MEIOB: variants seen among roughly 807,000 people sequenced by gnomAD.
MEIOB encodes the protein meiosis specific with OB-fold, also known as meiosis-specific with OB domain-containing protein.
In MEIOB, 50 loss-of-function variants were observed where a neutral mutation model predicts 53.1. That is an observed-to-expected ratio of 0.94 (90% CI 0.75 to 1.19). MEIOB has a LOEUF of 1.19. Ranked by LOEUF, MEIOB falls within the 50% of genes most tolerant of loss-of-function variation. The pLI is 0.00. For missense variants in MEIOB, 551 were observed against 550.8 expected (o/e 1.00, Z 0.00); for synonymous variants, 192 against 182.5 (o/e 1.05, Z -0.42).
intron 1 of MEIOB, among the ~76,000 whole-genome samples, chr16:1,869,645 G>T (rs553502016): frequency 6.6e-6 from 1 of 151,602 alleles, no homozygotes; most frequent in South Asian, 2.1e-4. Context: ...TAGAGACGGG[G>T]TTTCACCGTG....
chr16:1,857,890 T>C lies in MEIOB; in HGVS notation c.373A>G (p.Lys125Glu), dbSNP rs1448063589. The C allele has an allele frequency of 1.3e-6, 2 of 1,551,278 alleles. No homozygotes were observed. Among genetic ancestry groups the C allele is most frequent in the South Asian group, 1.2e-5 (1 of 83,932 alleles). ...TCCACTTCATAACTGGAACAAACTTTTACTGTTGAGTGATTCTCACTGAGC... is the reference window on the plus strand; with the variant it reads ...TCCACTTCATAACTGGAACAAACTTCTACTGTTGAGTGATTCTCACTGAGC... ...LLLSENHSTV[K>E]VCSSYEVDTK... Residue 125 changes from lysine (K) to glutamate (E), a missense_variant, in exon 6 of 14, where the codon AAA (lysine) becomes GAA (glutamate). Coordinates refer to ENST00000325962, the MANE Select transcript of MEIOB (RefSeq NM_001163560.3).
intron 9 of MEIOB, among the ~76,000 whole-genome samples, chr16:1,845,347 A>C (rs1467991193): frequency 1.3e-5 from 2 of 152,040 alleles, no homozygotes; most frequent in Non-Finnish European, 2.9e-5. Context: ...GTGACACCCC[A>C]CCTCTACTAA....
chr16:1,859,972 C>T (rs1461333478), intron 5 of MEIOB, among the ~76,000 whole-genome samples: 2 of 152,206 alleles, frequency 1.3e-5, no homozygotes, highest in African/African-American at 4.8e-5. Flanking sequence ...CTGGTCTATC[C>T]TCGCAGGGTT....
Position 1,852,423 on chromosome 16 carries a change from C to A in MEIOB, c.778+616G>T, listed in dbSNP as rs58539288. On this transcript the variant is annotated intron_variant, in intron 9 of 13. Transcript: ENST00000325962. ...TACTACAGGCGCACACTTTTACGCT[C>A]GGCTAATTTTTCTATTTTTAGTAGA... is the stretch of plus-strand genomic sequence containing the variant. Among the ~76,000 whole-genome samples, 922 of 151,788 alleles carry A rather than the reference C, an allele frequency of 6.1e-3. 35 individuals carry two copies. The East Asian group carries it at 0.11, about 18-fold the overall frequency.
chr16:1,852,973 C>A, intron 9 of MEIOB, 66 bp downstream of exon 9: 1 of 956,476 alleles, frequency 1.0e-6, no homozygotes, highest in Non-Finnish European at 1.6e-6. Context: ...CTTAAATATA[C>A]TGTATAAATA....
intron 6 of MEIOB, 61 bp downstream of exon 6, chr16:1,857,674 G>A (rs1458479332): frequency 2.1e-5 from 28 of 1,349,708 alleles, no homozygotes; most frequent in Non-Finnish European, 2.8e-5. Flanking sequence ...CCCAAACACA[G>A]ATCAAGTGAC....
At position 1,853,139 on chromosome 16, in the gene MEIOB, T is replaced by C. The variant is rs1292229456; in HGVS notation, c.683-5A>G. 1.2e-6 allele frequency: 2 copies of C among 1,606,830 alleles called. No individual in the cohort carries two copies. Among genetic ancestry groups the C allele is most frequent in the East Asian group, 4.5e-5 (2 of 44,784 alleles). ...TTACATCTGAGGCAAATATTACTGT[T>C]TGGGAAAAAAGCCATTTAAAATTAT... is the stretch of plus-strand genomic sequence containing the variant. On this transcript the variant is annotated splice_region_variant and splice_polypyrimidine_tract_variant and intron_variant, in intron 8 of 13. Transcript: ENST00000325962.
intron 10 of MEIOB, among the ~76,000 whole-genome samples, chr16:1,842,254 C>T (rs1024025463): frequency 2.6e-5 from 4 of 151,900 alleles, no homozygotes; most frequent in Admixed American, 6.6e-5. Flanking sequence ...GAGATGCTAG[C>T]AGTCTACAAT....
chr16:1,836,264 A>G (rs1898744881), intron 13 of MEIOB, among the ~76,000 whole-genome samples: 2 of 152,230 alleles, frequency 1.3e-5, no homozygotes, highest in Non-Finnish European at 2.9e-5. Flanking sequence ...CAGCTTGTCC[A>G]TAATTATGAA....
chr16:1,838,090 G>A (rs956399534), intron 12 of MEIOB: 28 of 776,826 alleles, frequency 3.6e-5, no homozygotes, highest in Admixed American at 1.1e-4. Flanking sequence ...TCGAACTCCC[G>A]GGGTCAAGCA....
At chr16:1,864,302 T>C (rs1406073147) in intron 3 of MEIOB, among the ~76,000 whole-genome samples, 1 of 152,146 alleles carries the variant, frequency 6.6e-6, no homozygotes, top group East Asian at 1.9e-4. Context: ...CTGTGACCTT[T>C]GGTACTGCTG....
intron 13 of MEIOB, among the ~76,000 whole-genome samples, chr16:1,835,162 G>A (rs1300476646): frequency 6.6e-6 from 1 of 152,070 alleles, no homozygotes; most frequent in Admixed American, 6.6e-5. Context: ...GCTGAGGCGG[G>A]AGGATCACTT....
intron 13 of MEIOB, among the ~76,000 whole-genome samples, chr16:1,836,295 A>C (rs958733843): frequency 6.6e-6 from 1 of 152,182 alleles, no homozygotes; most frequent in Non-Finnish European, 1.5e-5. Context: ...AGCCACCTGG[A>C]ACATCTGTTA....
intron 9 of MEIOB, among the ~76,000 whole-genome samples, chr16:1,850,509 G>A (rs2142086956): frequency 6.6e-6 from 1 of 152,110 alleles, no homozygotes; most frequent in South Asian, 2.1e-4. Context: ...CCAGGAGGCG[G>A]AGGCTGCAGT....
At chr16:1,868,001 T>C in intron 2 of MEIOB, 106 bp downstream of exon 2, 2 of 634,164 alleles carry the variant, frequency 3.2e-6, no homozygotes, top group Non-Finnish European at 5.6e-6. Context: ...AGTATCTATA[T>C]ACTTGCCAAT....
chr16:1,856,092 T>G (rs1377172600), intron 6 of MEIOB, among the ~76,000 whole-genome samples: 1 of 151,702 alleles, frequency 6.6e-6, no homozygotes, highest in Non-Finnish European at 1.5e-5. Context: ...TCTCCTGGGT[T>G]CAAGTAATTC....
rs1898679931 is a variant in MEIOB, at chr16:1,834,297, T to C, written c.1375A>G (p.Thr459Ala). Residue 459 changes from threonine (T) to alanine (A), a missense_variant, in exon 14 of 14, where the codon ACT becomes GCT. Thr to Ala is a moderately conservative substitution (Grantham distance 58). Coordinates refer to ENST00000325962, the MANE Select transcript of MEIOB (RefSeq NM_001163560.3). Reference protein sequence around the residue: ...SVLSCKLADPTEASRNLSGQK... With the variant: ...SVLSCKLADPAEASRNLSGQK... ...CCAGACAAGTTTCTGCTTGCCTCAG[T>C]AGGATCTGCAAGCTTGCACGAGAGT... is the stretch of plus-strand genomic sequence containing the variant. The C allele has an allele frequency of 6.2e-7, 1 of 1,612,914 alleles. No individual in the cohort carries two copies. Among genetic ancestry groups the C allele is most frequent in the Non-Finnish European group, 8.5e-7 (1 of 1,179,052 alleles).
chr16:1,841,863 G>A lies in MEIOB; in HGVS notation c.991C>T (p.Leu331Phe), dbSNP rs1898919964. The A allele has an allele frequency of 1.2e-6, 2 of 1,604,312 alleles. No homozygotes were observed. Among genetic ancestry groups the A allele is most frequent in the South Asian group, 1.1e-5 (1 of 88,066 alleles). ...YGILYAYIST[L>F]NIDDETTKVV... ...TTTGTAGTTTCATCATCAATGTTGAGTGTGGAAATGTAGGCATAAAGGATG... is the reference window on the plus strand; with the variant it reads ...TTTGTAGTTTCATCATCAATGTTGAATGTGGAAATGTAGGCATAAAGGATG... The change falls in exon 11 of 14, where the codon CTC (leucine) becomes TTC (phenylalanine). Residue 331 changes from leucine (L) to phenylalanine (F), a missense_variant. Physicochemically the swap from Leu to Phe is conservative, Grantham distance 22. Coordinates refer to ENST00000325962, the MANE Select transcript of MEIOB (RefSeq NM_001163560.3).
At chr16:1,860,262 T>C (rs7185434) in intron 5 of MEIOB, 141 bp downstream of exon 5, 2 of 507,108 alleles carry the variant, frequency 3.9e-6, no homozygotes, top group South Asian at 3.6e-5. Context: ...TAATCAAAGA[T>C]GAATTTTGTA....
Sources: allele counts gnomAD v4.1 joint callset (sites outside exome capture counted in the v4.1 genomes callset), GRCh38; gene constraint gnomAD v4.1.1; transcripts MANE v1.5; gene names NCBI Gene and HGNC (gene_info 2026-07-23, HGNC 2026-07-21).